FAT3: variants seen among roughly 807,000 people sequenced by gnomAD.
The protein encoded by FAT3 is FAT atypical cadherin 3, also known as protocadherin Fat 3.
FAT3 carries 95 observed loss-of-function variants against 310.2 expected under a neutral mutation model. The observed-to-expected ratio is 0.31, with a 90% confidence interval of 0.26 to 0.36. The LOEUF is 0.36. Among genes scored for constraint, FAT3 ranks in the 10% least tolerant of loss-of-function variants. FAT3 has a pLI of 1.00. For missense variants in FAT3, 5,408 were observed against 5,715.6 expected, an observed-to-expected ratio of 0.95 and a Z score of 1.74; for synonymous variants, 2,314 against 2,192.9, an observed-to-expected ratio of 1.06 and a Z score of -1.54.
intron 25 of FAT3, among the ~76,000 whole-genome samples, chr11:92,888,186 C>G (rs915595079): frequency 6.6e-6 from 1 of 152,140 alleles, no homozygotes; most frequent in African/African-American, 2.4e-5. Context: ...AGTGCAGATG[C>G]CTTCAGTGTA....
chr11:92,743,639 C>A lies in FAT3; in HGVS notation c.3670-18217C>A, dbSNP rs142710111. Among the ~76,000 whole-genome samples the A allele has an allele frequency of 3.1e-3, 478 of 152,314 alleles. 3 individuals carry two copies. The highest frequency in any genetic ancestry group is 0.011 in the African/African-American group (447 of 41,558). ...CATCCAGGCAGAGGGCCGCATGTGT[C>A]CTAAGGAGGACAGCTTGCTATGGTT... is the stretch of plus-strand genomic sequence containing the variant. On this transcript the variant is annotated intron_variant, in intron 4 of 27. Transcript: ENST00000525166.
At chr11:92,808,576 A>G (rs1287007899) in intron 12 of FAT3, among the ~76,000 whole-genome samples, 2 of 152,198 alleles carry the variant, frequency 1.3e-5, no homozygotes, top group African/African-American at 4.8e-5. Flanking sequence ...TCCAACCTGT[A>G]TCTGAGAACT....
At position 92,799,556 on chromosome 11, in the gene FAT3, A is replaced by C. The variant is rs1190103567; in HGVS notation, c.6543A>C (p.Lys2181Asn). 8.7e-6 allele frequency: 14 copies of C among 1,613,704 alleles called. 1 individual carries two copies. In the Admixed American group the frequency reaches 2.3e-4, roughly 27 times the overall value. ...SVELPITIVN[K>N]AMPVFDKPFY... ...AGCTTCCCATCACTATTGTCAACAA[A>C]GCAATGCCTGTGTTTGATAAGCCCT... Residue 2181 changes from lysine (K) to asparagine (N), a missense_variant, in exon 10 of 28, where the codon AAA (lysine) becomes AAC (asparagine). Lys to Asn is a moderately conservative substitution (Grantham distance 94). Transcript: ENST00000525166.
intron 3 of FAT3, among the ~76,000 whole-genome samples, chr11:92,589,578 G>A (rs529457357): frequency 6.6e-6 from 1 of 152,014 alleles, no homozygotes; most frequent in East Asian, 1.9e-4. Flanking sequence ...GCTTACTTAA[G>A]CCTGAGTTTG....
In FAT3 at chr11:92,642,819, T is replaced by C. The variant is rs547215743; in HGVS notation, c.3608-54565T>C. ...TGCCTAGAGTCCTGGGGCATTCCCATGATGGGAACTCTTAAGCATATCCTT... is the reference window on the plus strand; with the variant it reads ...TGCCTAGAGTCCTGGGGCATTCCCACGATGGGAACTCTTAAGCATATCCTT... On this transcript the variant is annotated intron_variant, in intron 3 of 27. Transcript: ENST00000525166. Among the ~76,000 whole-genome samples, 3 of 152,326 alleles carry C rather than the reference T, an allele frequency of 2.0e-5. No homozygotes were observed. In the South Asian group the frequency reaches 6.2e-4, roughly 32 times the overall value.
intron 3 of FAT3, among the ~76,000 whole-genome samples, chr11:92,618,758 G>T (rs1257985406): frequency 1.3e-5 from 2 of 151,358 alleles, no homozygotes; most frequent in Non-Finnish European, 2.9e-5. Context: ...ATTCCTAAGG[G>T]TCTTCTATAT....
chr11:92,424,135 A>G (rs1441454695), intron 2 of FAT3, among the ~76,000 whole-genome samples: 1 of 152,058 alleles, frequency 6.6e-6, no homozygotes, highest in East Asian at 1.9e-4. Flanking sequence ...AAGCTGACCC[A>G]TTCTTCCTGA....
rs142571380 is a variant in FAT3 at position 92,717,526 on chromosome 11, A to G, written c.3669+20081A>G. 6.3e-3 allele frequency among the ~76,000 whole-genome samples: 967 copies of G among 152,290 alleles called. 5 individuals are homozygous for G. The highest frequency in any genetic ancestry group is 0.022 in the African/African-American group (907 of 41,566). On this transcript the variant is annotated intron_variant, in intron 4 of 27. Transcript: ENST00000525166. ...ATTATCCAGAATGGCTTTGTCATCC[A>G]CCTGACAAGAGACCTCAGTTTGATA... is the stretch of plus-strand genomic sequence containing the variant.
chr11:92,409,876 C>G (rs1950215882), intron 2 of FAT3, among the ~76,000 whole-genome samples: 1 of 151,988 alleles, frequency 6.6e-6, no homozygotes, highest in South Asian at 2.1e-4. Flanking sequence ...GTTGGGAAAA[C>G]AGAACTTTAA....
chr11:92,632,005 A>G (rs940176483), intron 3 of FAT3, among the ~76,000 whole-genome samples: 3 of 152,208 alleles, frequency 2.0e-5, no homozygotes, highest in Admixed American at 1.3e-4. Context: ...TGGAGGAAAT[A>G]TGTCAGCTTA....
chr11:92,831,639 G>A lies in FAT3; in HGVS notation c.9499G>A (p.Val3167Met), dbSNP rs184114723. The A allele has an allele frequency of 1.3e-4, 205 of 1,612,186 alleles. No homozygotes were observed. In the African/African-American group the frequency reaches 2.4e-3, roughly 19 times the overall value. ...DPDIGINRKV[V>M]YSLADSAGGV... is the part of the protein sequence containing the mutation. ...TCCCACAGGCATCAATAGGAAGGTC[G>A]TGTACTCCCTGGCAGACTCAGCTGG... The change falls in exon 14 of 28, where the codon GTG (valine) becomes ATG (methionine). Residue 3167 changes from valine (V) to methionine (M), a missense_variant. Coordinates refer to ENST00000525166, the MANE Select transcript of FAT3 (RefSeq NM_001367949.2).
At chr11:92,787,381 A>G (rs1946922473) in intron 7 of FAT3, among the ~76,000 whole-genome samples, 1 of 151,940 alleles carries the variant, frequency 6.6e-6, no homozygotes, top group Admixed American at 6.6e-5. Flanking sequence ...CTTTATATAT[A>G]ATATTAAATT....
intron 2 of FAT3, among the ~76,000 whole-genome samples, chr11:92,487,473 G>C (rs1952450318): frequency 6.6e-6 from 1 of 152,152 alleles, no homozygotes. Context: ...GAATCCCACA[G>C]ATGTTAGCAG....
chr11:92,361,768 C>A (rs887712160), intron 2 of FAT3, among the ~76,000 whole-genome samples: 1 of 152,164 alleles, frequency 6.6e-6, no homozygotes, highest in Admixed American at 6.5e-5. Context: ...AATAGCATGA[C>A]ATAGCACGTG....
intron 3 of FAT3, among the ~76,000 whole-genome samples, chr11:92,613,917 C>A (rs1940685881): frequency 6.6e-6 from 1 of 152,172 alleles, no homozygotes; most frequent in African/African-American, 2.4e-5. Context: ...TTAATCCCCC[C>A]AGACTTCAGC....
chr11:92,724,019 T>C (rs918475800), intron 4 of FAT3, among the ~76,000 whole-genome samples: 1 of 152,234 alleles, frequency 6.6e-6, no homozygotes, highest in Non-Finnish European at 1.5e-5. Context: ...TTACTTGCTA[T>C]TGCTGTTTAA....
intron 3 of FAT3, among the ~76,000 whole-genome samples, chr11:92,564,959 A>C (rs1417389506): frequency 7.0e-6 from 1 of 143,568 alleles, no homozygotes; most frequent in East Asian, 2.1e-4. Flanking sequence ...TGACACCCTA[A>C]CATCACAATT....
chr11:92,710,317 A>G (rs1944482305), intron 4 of FAT3, among the ~76,000 whole-genome samples: 1 of 152,176 alleles, frequency 6.6e-6, no homozygotes, highest in South Asian at 2.1e-4. Flanking sequence ...TTGATCCCAT[A>G]GGATACCAAA....
rs529255610 is a variant in FAT3 at position 92,896,393 on chromosome 11, A to G, written c.*5280A>G. 6.6e-6 allele frequency: 1 copy of G among 152,094 alleles called. No homozygotes were observed. Among genetic ancestry groups the G allele is most frequent in the Non-Finnish European group, 1.5e-5 (1 of 68,018 alleles). The allele number at this position is 152,094 out of a possible 1,614,324, so 9.4% of individuals were successfully genotyped here. On this transcript the variant is annotated 3_prime_UTR_variant, in exon 28 of 28. Transcript: ENST00000525166. ...AAAGAAACAACAACAACAAAAAAAA[A>G]CACAACAGTGTACAGGTTTGTAACT...
Sources: gnomAD v4.1 joint callset for allele counts (sites outside exome capture counted in the v4.1 genomes callset) on GRCh38, gnomAD v4.1.1 for gene constraint, MANE v1.5 for transcripts, NCBI Gene and HGNC (gene_info 2026-07-23, HGNC 2026-07-21) for gene names.